NHLRC3: variants seen among roughly 807,000 people sequenced by gnomAD.
NHLRC3 encodes NHL repeat-containing protein 3.
Under a neutral mutation model 32.0 loss-of-function variants are expected in NHLRC3, and 23 were observed. The observed-to-expected ratio is 0.72, with a 90% confidence interval of 0.52 to 1.02. The LOEUF is 1.02. Among genes scored for constraint, NHLRC3 ranks in the 50% least tolerant of loss-of-function variants. NHLRC3 has a pLI of 0.00. For synonymous variants in NHLRC3, 159 were observed against 147.9 expected (o/e 1.08, Z -0.55); for missense variants, 407 against 406.8 (o/e 1.00, Z -0.01).
chr13:39,039,172 A>C lies in NHLRC3; in HGVS notation c.121A>C (p.Thr41Pro). The C allele has an allele frequency of 6.2e-7, 1 of 1,613,944 alleles. No homozygotes were observed. The highest frequency in any genetic ancestry group is 1.1e-5 in the South Asian group (1 of 91,070). The part of the protein sequence containing the change: ...RNFTFAVSWR[T>P]EKILYRLDVG... ...CTTTACTTTTGCAGTTTCCTGGAGA[A>C]CTGAGAAAATTCTTTACCGGCTGGA... The change falls in exon 2 of 7, where the codon ACT becomes CCT. Residue 41 changes from threonine to proline, a missense_variant. Thr to Pro is a conservative substitution (Grantham distance 38). Transcript: ENST00000379600.
chr13:39,044,088 A>G lies in NHLRC3; in HGVS notation c.587-2A>G. On this transcript the variant is annotated splice_acceptor_variant, in intron 4 of 6. Transcript: ENST00000379600. LOFTEE classifies it high-confidence loss of function. ...CTGACTATATATTTTTACCGTTTAT[A>G]GATTTCATGATCCTTTGGCTGCATG... The G allele has an allele frequency of 6.2e-7, 1 of 1,606,486 alleles. No individual in the cohort carries two copies. The highest frequency in any genetic ancestry group is 8.5e-7 in the Non-Finnish European group (1 of 1,173,018).
At chr13:39,045,459 A>C (rs975112819) in intron 5 of NHLRC3, among the ~76,000 whole-genome samples, 1 of 152,212 alleles carries the variant, frequency 6.6e-6, no homozygotes, top group African/African-American at 2.4e-5. Flanking sequence ...CAATTATACA[A>C]AATTGTGTTT....
At position 39,047,976 on chromosome 13, in the gene NHLRC3, C is replaced by G; in HGVS notation, c.*50C>G. 6.9e-7 allele frequency: 1 copy of G among 1,442,748 alleles called. No individual in the cohort carries two copies. The highest frequency in any genetic ancestry group is 9.6e-7 in the Non-Finnish European group (1 of 1,045,214). The allele number at this position is 1,442,748 out of a possible 1,614,324, so 89.4% of individuals were successfully genotyped here. A position where few individuals can be genotyped will look rare whatever the true frequency, so the allele number is the denominator to read the frequency against. On this transcript the variant is annotated 3_prime_UTR_variant, in exon 7 of 7. Coordinates refer to ENST00000379600, the MANE Select transcript of NHLRC3 (RefSeq NM_001012754.4). ...AGTGGCAGTTCAGATTCTCAATTCA[C>G]TAAGTGCTTAAAAATGATGTTCAAG...
At chr13:39,040,999 C>T (rs1261908763) in intron 3 of NHLRC3, 1 of 152,112 alleles carries the variant, frequency 6.6e-6, no homozygotes, top group Non-Finnish European at 1.5e-5. Context: ...CTGTTAAAGA[C>T]CATTTCTTTG....
intron 1 of NHLRC3, 75 bp from the exon 2 acceptor site, chr13:39,039,061 T>TTCCCCGCCCCCCC: frequency 1.3e-6 from 1 of 760,182 alleles, no homozygotes; most frequent in Non-Finnish European, 2.3e-6. Flanking sequence ...TAAGCCCTGT[T>TTCCCCGCCCCCCC]ACCCGGCCCC....
Position 39,038,559 on chromosome 13 carries a change from T to C in NHLRC3, c.-81T>C. On this transcript the variant is annotated 5_prime_UTR_variant, in exon 1 of 7. Transcript: ENST00000379600. ...GCCCCGGGCAGACCCTCTGTGCCGC[T>C]GCAAACCGTTGCAGCCTGAGGCTGT... 8.1e-7 allele frequency: 1 copy of C among 1,227,838 alleles called. No homozygotes were observed. Among genetic ancestry groups the C allele is most frequent in the Non-Finnish European group, 1.2e-6 (1 of 828,256 alleles). 76.1% of individuals were successfully genotyped at this position (1,227,838 alleles called of 1,614,324 possible).
At chr13:39,041,708 A>G (rs1871472337) in intron 3 of NHLRC3, 1 of 184,722 alleles carries the variant, frequency 5.4e-6, no homozygotes, top group Non-Finnish European at 1.1e-5. Flanking sequence ...AGTGATTGAA[A>G]TAACAGTTTC....
At position 39,048,024 on chromosome 13, in the gene NHLRC3, A is replaced by C; in HGVS notation, c.*98A>C. 1 of 998,304 alleles carries C rather than the reference A, an allele frequency of 1.0e-6. No homozygotes were observed. Among genetic ancestry groups the C allele is most frequent in the Non-Finnish European group, 1.5e-6 (1 of 677,742 alleles). 61.8% of individuals were successfully genotyped at this position (998,304 alleles called of 1,614,324 possible). ...AAGCACAAGAATTTATTTTTCTAGT[A>C]TAAAAGATCTAGTATCAGAAAGATT... On this transcript the variant is annotated 3_prime_UTR_variant, in exon 7 of 7. Transcript: ENST00000379600.
Position 39,038,473 on chromosome 13 carries a change from T to C in NHLRC3, c.-167T>C. On this transcript the variant is annotated 5_prime_UTR_variant, in exon 1 of 7. Transcript: ENST00000379600. Reference sequence around the variant, plus strand: ...TGATTTTCATTCGCCCTGGTCTCTGTTCCCTTTCGTACTCAAAGCTCGTGC... The same window carrying C: ...TGATTTTCATTCGCCCTGGTCTCTGCTCCCTTTCGTACTCAAAGCTCGTGC... The C allele has an allele frequency of 1.5e-6, 1 of 647,418 alleles. No individual in the cohort carries two copies. The highest frequency in any genetic ancestry group is 2.8e-6 in the Non-Finnish European group (1 of 359,556). The allele number at this position is 647,418 out of a possible 1,614,324, so 40.1% of individuals were successfully genotyped here.
In NHLRC3 at chr13:39,049,352, A is replaced by T. The variant is rs775499527; in HGVS notation, c.*1426A>T. 6.6e-6 allele frequency: 1 copy of T among 152,212 alleles called. No homozygotes were observed. The highest frequency in any genetic ancestry group is 1.5e-5 in the Non-Finnish European group (1 of 68,032). 9.4% of individuals were successfully genotyped at this position (152,212 alleles called of 1,614,324 possible). On this transcript the variant is annotated 3_prime_UTR_variant, in exon 7 of 7. Transcript: ENST00000379600. Reference sequence around the variant, plus strand: ...GCCCTGTACTCTGTATTCCAAGGCCATTGGTAAATGTGTTGGTGCCACTGA... The same window carrying T: ...GCCCTGTACTCTGTATTCCAAGGCCTTTGGTAAATGTGTTGGTGCCACTGA...
chr13:39,040,020 CA>C (rs67484587), intron 3 of NHLRC3: 10,100 of 106,246 alleles, frequency 0.095, 431 homozygotes, highest in East Asian at 0.14. Flanking sequence ...ACTAAAAATA[CA>C]AAAAAAAAAA....
At chr13:39,041,161 T>A (rs1298701358) in intron 3 of NHLRC3, 1 of 152,164 alleles carries the variant, frequency 6.6e-6, no homozygotes, top group Non-Finnish European at 1.5e-5. Flanking sequence ...CCCAAAGGAA[T>A]AAATTTCCTC....
In NHLRC3 at chr13:39,047,669, C is replaced by A; in HGVS notation, c.792-5C>A. The stretch of plus-strand genomic sequence containing the variant: ...ATTTATTATGTTAAATGTCTTTCTC[C>A]TTAGGTTTACTCCTGATGGGAAGTA... On this transcript the variant is annotated splice_polypyrimidine_tract_variant and splice_region_variant and intron_variant, in intron 6 of 6. Coordinates refer to ENST00000379600, the MANE Select transcript of NHLRC3 (RefSeq NM_001012754.4). The A allele has an allele frequency of 6.2e-7, 1 of 1,607,768 alleles. No individual in the cohort carries two copies. The highest frequency in any genetic ancestry group is 2.2e-5 in the East Asian group (1 of 44,712).
Position 39,049,862 on chromosome 13 carries a change from C to T in NHLRC3, c.*1936C>T, listed in dbSNP as rs370521733. The T allele has an allele frequency of 9.9e-5, 15 of 152,258 alleles. No homozygotes were observed. Among genetic ancestry groups the T allele is most frequent in the African/African-American group, 3.1e-4 (13 of 41,584 alleles). The allele number at this position is 152,258 out of a possible 1,614,324, so 9.4% of individuals were successfully genotyped here. A position where few individuals can be genotyped will look rare whatever the true frequency, so the allele number is the denominator to read the frequency against. ...GTAAACCGATTTTGCCATTTCAAAACGTTTTATTTTACTTTGTTTTATATC... is the reference window on the plus strand; with the variant it reads ...GTAAACCGATTTTGCCATTTCAAAATGTTTTATTTTACTTTGTTTTATATC... On this transcript the variant is annotated 3_prime_UTR_variant, in exon 7 of 7. Transcript: ENST00000379600.
At chr13:39,041,532 G>A (rs1229310210) in intron 3 of NHLRC3, 1 of 152,066 alleles carries the variant, frequency 6.6e-6, no homozygotes, top group Admixed American at 6.6e-5. Context: ...AAATTTTAAC[G>A]TGAGAAAATA....
At chr13:39,039,804 T>C in intron 3 of NHLRC3, 93 bp downstream of exon 3, 1 of 860,850 alleles carries the variant, frequency 1.2e-6, no homozygotes. Flanking sequence ...AGTTGCTGAA[T>C]CTAATTGTAA....
intron 5 of NHLRC3, among the ~76,000 whole-genome samples, chr13:39,046,481 G>A (rs1871683199): frequency 6.6e-6 from 1 of 152,058 alleles, no homozygotes; most frequent in African/African-American, 2.4e-5. Flanking sequence ...TTCTTTATTT[G>A]TTGCTAAAAT....
rs1022124136 is a variant in NHLRC3, at chr13:39,038,748, C to T, written c.84+25C>T. 10 of 1,586,230 alleles carry T rather than the reference C, an allele frequency of 6.3e-6. No individual in the cohort carries two copies. In the African/African-American group the frequency reaches 8.1e-5, roughly 13 times the overall value. ...AGTGAGTTGGGTAGTGAGGAAATGACTGTCGGGTGTGCGGGTAGCCCTGTT... is the reference window on the plus strand; with the variant it reads ...AGTGAGTTGGGTAGTGAGGAAATGATTGTCGGGTGTGCGGGTAGCCCTGTT... On this transcript the variant is annotated intron_variant, in intron 1 of 6. Transcript: ENST00000379600.
chr13:39,039,812 T>C (rs1290478681), intron 3 of NHLRC3, 101 bp downstream of exon 3: 9 of 782,236 alleles, frequency 1.2e-5, no homozygotes, highest in Non-Finnish European at 1.8e-5. Context: ...AATCTAATTG[T>C]AATTTCTTTA....
Sources: allele counts gnomAD v4.1 joint callset (sites outside exome capture counted in the v4.1 genomes callset), GRCh38; gene constraint gnomAD v4.1.1; transcripts MANE v1.5; gene names NCBI Gene and HGNC (gene_info 2026-07-23, HGNC 2026-07-21).